The following PPP1CB variants were observed in gnomAD, a reference collection of about 807,000 sequenced individuals.
PPP1CB encodes serine/threonine-protein phosphatase PP1-beta catalytic subunit.
In PPP1CB, 2 loss-of-function variants were observed where a neutral mutation model predicts 43.7. That is an observed-to-expected ratio of 0.05 (90% CI 0.02 to 0.14). PPP1CB has a LOEUF of 0.14. PPP1CB is among the 10% of genes least tolerant of loss of function. PPP1CB has a pLI of 1.00. For missense variants in PPP1CB, 84 were observed against 398.0 expected (o/e 0.21, Z 6.71); for synonymous variants, 136 against 135.6 (o/e 1.00, Z -0.02).
At chr2:28,785,007 T>A (rs1281149036) in intron 5 of PPP1CB, among the ~76,000 whole-genome samples, 1 of 145,782 alleles carries the variant, frequency 6.9e-6, no homozygotes, top group Non-Finnish European at 1.5e-5. Context: ...ATGGTATAGA[T>A]CCTCTGATGT....
chr2:28,795,337 A>G (rs975250842), intron 7 of PPP1CB, among the ~76,000 whole-genome samples: 3 of 152,056 alleles, frequency 2.0e-5, no homozygotes, highest in African/African-American at 7.2e-5. Context: ...GTACATACCC[A>G]AAGTAGTGGG....
At position 28,751,831 on chromosome 2, in the gene PPP1CB, C is replaced by T. The variant is rs748860833; in HGVS notation, c.-294C>T. On this transcript the variant is annotated 5_prime_UTR_variant, in exon 1 of 8. Coordinates refer to ENST00000395366, the MANE Select transcript of PPP1CB (RefSeq NM_002709.3). ...CCGTCGGCGGCGCTGGTGAGCTTTG[C>T]GGAGCTGGGCGGTGCCGAGGAGGAG... 2.6e-5 allele frequency: 13 copies of T among 492,290 alleles called. No homozygotes were observed. Among genetic ancestry groups the T allele is most frequent in the East Asian group, 4.3e-5 (1 of 23,486 alleles). 30.5% of individuals were successfully genotyped at this position (492,290 alleles called of 1,614,324 possible).
intron 2 of PPP1CB, among the ~76,000 whole-genome samples, chr2:28,778,161 G>A (rs1315750262): frequency 6.6e-6 from 1 of 152,118 alleles, no homozygotes; most frequent in East Asian, 1.9e-4. Context: ...TGAAGGTAAT[G>A]GAAGTTATTT....
At chr2:28,796,278 T>G (rs1443235578) in intron 7 of PPP1CB, among the ~76,000 whole-genome samples, 1 of 152,208 alleles carries the variant, frequency 6.6e-6, no homozygotes, top group Non-Finnish European at 1.5e-5. Context: ...TTCGGGCTCT[T>G]TTTCAATTTC....
Position 28,802,640 on chromosome 2 carries a change from C to G in PPP1CB, c.*3337C>G, listed in dbSNP as rs192809947. ...AAGTATACACCTAGAGTTTTAATTA[C>G]CTTTATAATGTTTCTTAAAAGTGAA... On this transcript the variant is annotated 3_prime_UTR_variant, in exon 8 of 8. Transcript: ENST00000395366. 1 of 152,216 alleles carries G rather than the reference C, an allele frequency of 6.6e-6. No individual in the cohort carries two copies. The highest frequency in any genetic ancestry group is 1.9e-4 in the East Asian group (1 of 5,188). The allele number at this position is 152,216 out of a possible 1,614,324, so 9.4% of individuals were successfully genotyped here. A position where few individuals can be genotyped will look rare whatever the true frequency, so the allele number is the denominator to read the frequency against.
At position 28,794,926 on chromosome 2, in the gene PPP1CB, G is replaced by A. The variant is rs866902449; in HGVS notation, c.879+929G>A. ...CATGTGTAAATTACATATTGCTGAG[G>A]TTTGGTGTATGAATGATCTTATCTC... is the stretch of plus-strand genomic sequence containing the variant. On this transcript the variant is annotated intron_variant, in intron 7 of 7. Transcript: ENST00000395366. 1.1e-4 allele frequency among the ~76,000 whole-genome samples: 16 copies of A among 152,190 alleles called. No individual in the cohort carries two copies. In the Middle Eastern group the frequency reaches 0.017, roughly 162 times the overall value.
intron 7 of PPP1CB, among the ~76,000 whole-genome samples, chr2:28,797,150 G>C (rs974335298): frequency 2.0e-5 from 3 of 152,068 alleles, no homozygotes; most frequent in African/African-American, 7.2e-5. Context: ...TTAACTTTTT[G>C]ATGTGTTGCT....
intron 7 of PPP1CB, 90 bp from the exon 8 acceptor site, chr2:28,799,109 T>G: frequency 1.1e-6 from 1 of 886,224 alleles, no homozygotes; most frequent in East Asian, 2.6e-5. Context: ...TTTTGCAGTT[T>G]ATGCCATTTA....
At chr2:28,794,066 AT>A (rs1667445312) in intron 7 of PPP1CB, 69 bp downstream of exon 7, 1 of 1,346,476 alleles carries the variant, frequency 7.4e-7, no homozygotes, top group Non-Finnish European at 1.0e-6. Flanking sequence ...TTCGTTTTAG[AT>A]TTGTGAAGTT....
chr2:28,787,931 C>G (rs1667306409), intron 5 of PPP1CB, among the ~76,000 whole-genome samples: 1 of 151,920 alleles, frequency 6.6e-6, no homozygotes. Flanking sequence ...ACCTCTTTTC[C>G]AGGGCTCCAA....
At chr2:28,769,728 A>G (rs1274260552) in intron 1 of PPP1CB, among the ~76,000 whole-genome samples, 1 of 152,214 alleles carries the variant, frequency 6.6e-6, no homozygotes, top group Non-Finnish European at 1.5e-5. Context: ...ACTGTAGAAC[A>G]AAAGGCTGGA....
At chr2:28,779,367 G>A (rs573597104) in intron 3 of PPP1CB, among the ~76,000 whole-genome samples, 2 of 152,086 alleles carry the variant, frequency 1.3e-5, no homozygotes, top group Non-Finnish European at 2.9e-5. Flanking sequence ...TTTAACTCTC[G>A]GCATTCTTGT....
chr2:28,786,934 A>G (rs77057793), intron 5 of PPP1CB, among the ~76,000 whole-genome samples: 156 of 152,282 alleles, frequency 1.0e-3, no homozygotes, highest in African/African-American at 3.6e-3. Context: ...GAGACTGACT[A>G]TTCCAGTGGA....
At chr2:28,768,150 A>G (rs1373706654) in intron 1 of PPP1CB, among the ~76,000 whole-genome samples, 1 of 152,188 alleles carries the variant, frequency 6.6e-6, no homozygotes, top group Non-Finnish European at 1.5e-5. Flanking sequence ...GCCAACACAG[A>G]AAATTGTTGA....
chr2:28,768,043 A>G (rs1373115826), intron 1 of PPP1CB, among the ~76,000 whole-genome samples: 1 of 152,162 alleles, frequency 6.6e-6, no homozygotes, highest in African/African-American at 2.4e-5. Context: ...TTGACAAGTC[A>G]TTCCTCAATT....
intron 5 of PPP1CB, among the ~76,000 whole-genome samples, chr2:28,786,340 C>T (rs1379181145): frequency 1.3e-5 from 2 of 152,118 alleles, no homozygotes; most frequent in African/African-American, 4.8e-5. Context: ...TCTTGAACTC[C>T]TGACCTCTGG....
intron 2 of PPP1CB, among the ~76,000 whole-genome samples, chr2:28,777,763 C>T (rs1047400372): frequency 4.6e-5 from 7 of 152,216 alleles, no homozygotes; most frequent in African/African-American, 7.2e-5. Context: ...AGTGGTTCTC[C>T]TGCCTCAGAC....
intron 1 of PPP1CB, among the ~76,000 whole-genome samples, chr2:28,756,099 T>C (rs1558295144): frequency 6.6e-6 from 1 of 152,254 alleles, no homozygotes; most frequent in African/African-American, 2.4e-5. Context: ...TAATTTTTCA[T>C]GTAGTATTAC....
At chr2:28,772,668 A>C (rs1466462328) in intron 1 of PPP1CB, among the ~76,000 whole-genome samples, 2 of 152,200 alleles carry the variant, frequency 1.3e-5, no homozygotes, top group African/African-American at 4.8e-5. Flanking sequence ...TACAGGTTGA[A>C]TATTTTTTAT....
Sources: gnomAD v4.1 joint callset for allele counts (sites outside exome capture counted in the v4.1 genomes callset) on GRCh38, gnomAD v4.1.1 for gene constraint, MANE v1.5 for transcripts, NCBI Gene and HGNC (gene_info 2026-07-23, HGNC 2026-07-21) for gene names.